The following SAMD12 variants were observed in gnomAD, a reference collection of about 807,000 sequenced individuals.
SAMD12 encodes the protein sterile alpha motif domain-containing protein 12.
A neutral mutation model predicts 15.0 loss-of-function variants in SAMD12; 9 were observed. The observed-to-expected ratio is 0.60, with a 90% CI of 0.36 to 1.05. The LOEUF (loss-of-function observed/expected upper bound fraction) is 1.05, where lower values mean the gene tolerates loss of function less well. SAMD12 is among the 50% of genes least tolerant of loss of function. The pLI is 0.01. For missense variants in SAMD12, 230 were observed against 234.2 expected (o/e 0.98, Z 0.12); for synonymous variants, 86 against 90.1 (o/e 0.96, Z 0.25).
At chr8:118,438,257 T>C (rs1586716941) in intron 3 of SAMD12, among the ~76,000 whole-genome samples, 3 of 152,304 alleles carry the variant, frequency 2.0e-5, no homozygotes, top group Middle Eastern at 6.8e-3. Flanking sequence ...CATTTTTATA[T>C]TTAAGATAGA....
chr8:118,321,263 C>T (rs567357871), intron 4 of SAMD12, among the ~76,000 whole-genome samples: 2 of 141,834 alleles, frequency 1.4e-5, no homozygotes, highest in East Asian at 4.2e-4. Context: ...GTTAAGAATC[C>T]CTTGCTAAGG....
intron 4 of SAMD12, among the ~76,000 whole-genome samples, chr8:118,303,635 A>G (rs1815161036): frequency 6.6e-6 from 1 of 151,738 alleles, no homozygotes; most frequent in Non-Finnish European, 1.5e-5. Context: ...TCTAATTTTG[A>G]CCTTTTCTGT....
At chr8:118,539,902 C>T (rs1825943280) in intron 2 of SAMD12, among the ~76,000 whole-genome samples, 1 of 152,054 alleles carries the variant, frequency 6.6e-6, no homozygotes, top group Non-Finnish European at 1.5e-5. Flanking sequence ...TTCTGGGTTT[C>T]TAATGACTTT....
intron 2 of SAMD12, among the ~76,000 whole-genome samples, chr8:118,474,546 ATT>A (rs113662358): frequency 0.012 from 1,562 of 134,834 alleles, 31 homozygotes; most frequent in African/African-American, 0.042. Flanking sequence ...ATGCCCAGCT[ATT>A]TTTTTTTTTT....
intron 2 of SAMD12, among the ~76,000 whole-genome samples, chr8:118,578,804 A>G (rs1479391115): frequency 6.6e-6 from 1 of 152,166 alleles, no homozygotes; most frequent in Non-Finnish European, 1.5e-5. Context: ...TTTCTTTACT[A>G]AAGCCTCTAG....
At chr8:118,215,893 T>G (rs1811947675) in intron 4 of SAMD12, among the ~76,000 whole-genome samples, 1 of 151,622 alleles carries the variant, frequency 6.6e-6, no homozygotes, top group East Asian at 1.9e-4. Context: ...GTTCCAAGTC[T>G]TTGCTATTGT....
chr8:118,176,746 C>T, the SAMD12 span, among the ~76,000 whole-genome samples: 70 of 152,186 alleles, frequency 4.6e-4, 1 homozygote, highest in Non-Finnish European at 6.8e-4. Flanking sequence ...GTACACCAAA[C>T]CCCTGTGACA....
intron 2 of SAMD12, among the ~76,000 whole-genome samples, chr8:118,507,886 C>T (rs1206419521): frequency 1.3e-5 from 2 of 152,052 alleles, no homozygotes; most frequent in Admixed American, 1.3e-4. Flanking sequence ...GAACCAATCC[C>T]CAGTACCCTG....
At chr8:118,157,394 A>G in the SAMD12 span, among the ~76,000 whole-genome samples, 874 of 152,334 alleles carry the variant, frequency 5.7e-3, 5 homozygotes, top group African/African-American at 0.02. Flanking sequence ...CAATACCAGG[A>G]TAATGGTTAC....
rs865851869 is a variant in SAMD12 at position 118,543,529 on chromosome 8, C to T, written c.192+37186G>A. 1.1e-4 allele frequency among the ~76,000 whole-genome samples: 16 copies of T among 152,094 alleles called. No individual in the cohort carries two copies. The South Asian group carries it at 1.9e-3, about 18-fold the overall frequency. ...TCCTATGGCAAGCTTGTCCAATCCGCGGCCTGCATGTGGCCGAGGACAGCT... is the reference window on the plus strand; with the variant it reads ...TCCTATGGCAAGCTTGTCCAATCCGTGGCCTGCATGTGGCCGAGGACAGCT... On this transcript the variant is annotated intron_variant, in intron 2 of 3. Coordinates refer to ENST00000314727, the MANE Select transcript of SAMD12 (RefSeq NM_207506.3).
chr8:118,415,795 C>T (rs1385980813), intron 3 of SAMD12, among the ~76,000 whole-genome samples: 2 of 152,094 alleles, frequency 1.3e-5, no homozygotes, highest in African/African-American at 4.8e-5. Context: ...GTCAAATAAG[C>T]AAACCTCCGG....
At chr8:118,495,490 A>T (rs1824582165) in intron 2 of SAMD12, among the ~76,000 whole-genome samples, 1 of 151,908 alleles carries the variant, frequency 6.6e-6, no homozygotes, top group Non-Finnish European at 1.5e-5. Context: ...CTAGTTGAAA[A>T]CTGGCTAACT....
chr8:118,530,269 A>C (rs1396576379), intron 2 of SAMD12, among the ~76,000 whole-genome samples: 3 of 152,120 alleles, frequency 2.0e-5, no homozygotes, highest in African/African-American at 7.2e-5. Flanking sequence ...TTGTTCCATG[A>C]GTAGACTGTG....
At chr8:118,169,607 G>C in the SAMD12 span, among the ~76,000 whole-genome samples, 3 of 152,198 alleles carry the variant, frequency 2.0e-5, no homozygotes, top group African/African-American at 4.8e-5. Context: ...CTATCAGGCA[G>C]CTGCACCAAT....
At chr8:118,492,238 C>T (rs1394118189) in intron 2 of SAMD12, among the ~76,000 whole-genome samples, 2 of 151,230 alleles carry the variant, frequency 1.3e-5, no homozygotes, top group African/African-American at 4.9e-5. Context: ...TTTTCATATG[C>T]CTATTGGCCA....
intron 4 of SAMD12, among the ~76,000 whole-genome samples, chr8:118,348,103 G>T (rs1586576328): frequency 6.6e-6 from 1 of 152,140 alleles, no homozygotes; most frequent in East Asian, 1.9e-4. Context: ...TTGAGACAAG[G>T]TCTCAATCTG....
chr8:118,486,380 C>G (rs1224625665), intron 2 of SAMD12, among the ~76,000 whole-genome samples: 2 of 151,296 alleles, frequency 1.3e-5, no homozygotes, highest in East Asian at 3.9e-4. Context: ...TGCGCCACTG[C>G]ACTCCAGCCT....
chr8:118,446,519 T>C (rs1329899975), intron 2 of SAMD12, among the ~76,000 whole-genome samples: 17 of 152,214 alleles, frequency 1.1e-4, no homozygotes, highest in Admixed American at 1.1e-3. Flanking sequence ...TTATTTTTTC[T>C]TTTCTTCTCT....
At chr8:118,218,604 T>C (rs1317289040) in intron 4 of SAMD12, among the ~76,000 whole-genome samples, 1 of 148,520 alleles carries the variant, frequency 6.7e-6, no homozygotes, top group Non-Finnish European at 1.5e-5. Flanking sequence ...ATTCCACTTA[T>C]AAGCAAGAAC....
Sources: gnomAD v4.1 joint callset for allele counts (sites outside exome capture counted in the v4.1 genomes callset) on GRCh38, gnomAD v4.1.1 for gene constraint, MANE v1.5 for transcripts, NCBI Gene and HGNC (gene_info 2026-07-23, HGNC 2026-07-21) for gene names.